LIG1: variants seen among roughly 807,000 people sequenced by gnomAD.
LIG1 encodes the protein ligase I, DNA, ATP-dependent.
In LIG1, 70 loss-of-function variants were observed where a neutral mutation model predicts 115.7. The observed-to-expected ratio is 0.60, with a 90% CI of 0.50 to 0.74. The LOEUF is 0.74. Ranked by LOEUF, LIG1 falls within the 30% of genes least tolerant of loss-of-function variation. The probability of loss-of-function intolerance (pLI) is 0.00; values close to 1 mark genes in which losing one functional copy is unlikely to be tolerated. For synonymous variants in LIG1, 487 were observed against 495.3 expected (o/e 0.98, Z 0.22); for missense variants, 1,115 against 1,225.6 (o/e 0.91, Z 1.35).
At chr19:48,154,249 A>C (rs2035694151) in intron 5 of LIG1, 11 of 411,828 alleles carry the variant, frequency 2.7e-5, no homozygotes, top group South Asian at 2.3e-4. Context: ...TGTACTTGGC[A>C]CAGTACCGAT....
At chr19:48,136,267 C>T in intron 14 of LIG1, 142 bp from the exon 15 acceptor site, 1 of 648,454 alleles carries the variant, frequency 1.5e-6, no homozygotes, top group South Asian at 1.8e-5. Context: ...GGAAGGGACC[C>T]CAGATATCAC....
chr19:48,159,562 T>C (rs2122996117), intron 4 of LIG1, among the ~76,000 whole-genome samples: 1 of 152,264 alleles, frequency 6.6e-6, no homozygotes, highest in East Asian at 1.9e-4. Flanking sequence ...CAGCTGACCT[T>C]CCGATAGTGG....
Position 48,137,458 on chromosome 19 carries a change from C to A in LIG1, c.1254+64G>T. ...ATGGTCTACCCAGAAGCCTTCCTGACACACGCGTGGCCTCAGGTCCCCAAG... is the reference window on the plus strand; with the variant it reads ...ATGGTCTACCCAGAAGCCTTCCTGAAACACGCGTGGCCTCAGGTCCCCAAG... On this transcript the variant is annotated intron_variant, in intron 13 of 27. Transcript: ENST00000263274. The surrounding 1 kb of genome is among the most constrained non-coding windows in gnomAD (Gnocchi z 4.3). The A allele has an allele frequency of 1.3e-6, 2 of 1,590,602 alleles. No homozygotes were observed. The highest frequency in any genetic ancestry group is 1.3e-5 in the African/African-American group (1 of 74,768).
chr19:48,131,475 ATTTT>A (rs752862916), intron 18 of LIG1, among the ~76,000 whole-genome samples: 3 of 151,468 alleles, frequency 2.0e-5, no homozygotes, highest in African/African-American at 4.9e-5. Context: ...TCTCATTCTG[ATTTT>A]TTTTTGAGGC....
chr19:48,141,408 A>C (rs2034743761), intron 11 of LIG1, among the ~76,000 whole-genome samples: 1 of 110,218 alleles, frequency 9.1e-6, no homozygotes. Flanking sequence ...CTGGGATTAC[A>C]GGCGTGAGCC....
chr19:48,122,202 A>G lies in LIG1; in HGVS notation c.2232+732T>C, dbSNP rs1354538239. The G allele has an allele frequency of 3.2e-5, 5 of 154,154 alleles. No homozygotes were observed. Among genetic ancestry groups the G allele is most frequent in the African/African-American group, 1.2e-4 (5 of 41,394 alleles). 9.5% of individuals were successfully genotyped at this position (154,154 alleles called of 1,614,324 possible). A position where few individuals can be genotyped will look rare whatever the true frequency, so the allele number is the denominator to read the frequency against. ...CTCAAACATCCATCAACTCTTACTG[A>G]TGACAGGCTCCTGCTCGCTGGCCCT... On this transcript the variant is annotated intron_variant, in intron 23 of 27. Transcript: ENST00000263274. This position sits in a 1 kb window ranked among gnomAD's most constrained non-coding sequence, Gnocchi z 4.3.
In LIG1 at chr19:48,131,065, C is replaced by T. The variant is rs1338310102; in HGVS notation, c.1821+11G>A. On this transcript the variant is annotated intron_variant, in intron 19 of 27. Coordinates refer to ENST00000263274, the MANE Select transcript of LIG1 (RefSeq NM_000234.3). ...ACCCTGGCAGAGTGCAAGTGTGTGG[C>T]AGACGCCCACCTTGGGGATGCGGCT... 3 of 1,611,316 alleles carry T rather than the reference C, an allele frequency of 1.9e-6. No homozygotes were observed. The highest frequency in any genetic ancestry group is 2.5e-6 in the Non-Finnish European group (3 of 1,177,410).
chr19:48,145,370 T>A (rs1322641108), intron 9 of LIG1, among the ~76,000 whole-genome samples: 1 of 152,174 alleles, frequency 6.6e-6, no homozygotes, highest in Non-Finnish European at 1.5e-5. Flanking sequence ...GTCCCTACTA[T>A]GACAGGTTGT....
At position 48,165,560 on chromosome 19, in the gene LIG1, G is replaced by T; in HGVS notation, c.7C>A (p.Arg3=). 1 of 1,613,166 alleles carries T rather than the reference G, an allele frequency of 6.2e-7. No individual in the cohort carries two copies. Among genetic ancestry groups the T allele is most frequent in the Non-Finnish European group, 8.5e-7 (1 of 1,179,186 alleles). ...AGGGAGGGTGCTCACATGATACTTCGCTGCATGTTGGCGTCAGAATTCTCC... is the reference window on the plus strand; with the variant it reads ...AGGGAGGGTGCTCACATGATACTTCTCTGCATGTTGGCGTCAGAATTCTCC... MQ[R]SIMSFFHPKK... The change falls in exon 2 of 28, where the codon CGA becomes AGA. Residue 3 remains arginine, a synonymous_variant. Transcript: ENST00000263274.
Position 48,143,541 on chromosome 19 carries a change from A to G in LIG1, c.914+2T>C. On this transcript the variant is annotated splice_donor_variant, in intron 11 of 27. Transcript: ENST00000263274. LOFTEE classifies it high-confidence loss of function. ...CCCACCCAGGCAGTCCTCATTAGTT[A>G]CCGAGCAGACACCTCCTCGATCTTC... 8.2e-7 allele frequency: 1 copy of G among 1,214,946 alleles called. No homozygotes were observed. The highest frequency in any genetic ancestry group is 1.1e-6 in the Non-Finnish European group (1 of 887,630). 75.3% of individuals were successfully genotyped at this position (1,214,946 alleles called of 1,614,324 possible). A position where few individuals can be genotyped will look rare whatever the true frequency, so the allele number is the denominator to read the frequency against.
intron 18 of LIG1, 44 bp downstream of exon 18, chr19:48,132,938 G>C: frequency 7.1e-7 from 1 of 1,415,238 alleles, no homozygotes; most frequent in East Asian, 2.3e-5. Context: ...CCTGCTCTTT[G>C]ACGTTTTCCT....
chr19:48,137,359 T>C lies in LIG1; in HGVS notation c.1254+163A>G, dbSNP rs576234274. Among the ~76,000 whole-genome samples, 9 of 152,136 alleles carry C rather than the reference T, an allele frequency of 5.9e-5. No homozygotes were observed. The highest frequency in any genetic ancestry group is 1.2e-4 in the Non-Finnish European group (8 of 68,016). ...GTCTGCTAGACTCTGAAGAGGAGAC[T>C]CCCCTAGGATTGGGTGCAGGAAGGA... On this transcript the variant is annotated intron_variant, in intron 13 of 27. Transcript: ENST00000263274. The surrounding 1 kb of genome is among the most constrained non-coding windows in gnomAD (Gnocchi z 4.3).
chr19:48,117,865 G>C, intron 25 of LIG1, 84 bp from the exon 26 acceptor site: 2 of 1,501,824 alleles, frequency 1.3e-6, no homozygotes, highest in Non-Finnish European at 1.8e-6. Context: ...GGAGAGGGAG[G>C]AAGGGAAAAA....
At chr19:48,151,366 G>C (rs768940882) in intron 6 of LIG1, 27 bp from the exon 7 acceptor site, 4 of 1,422,190 alleles carry the variant, frequency 2.8e-6, no homozygotes, top group Middle Eastern at 1.7e-4. Flanking sequence ...CGGTCAGATG[G>C]CAAAAAAATC....
chr19:48,132,330 A>G (rs1599771002), intron 18 of LIG1, among the ~76,000 whole-genome samples: 1 of 152,146 alleles, frequency 6.6e-6, no homozygotes, highest in Admixed American at 6.6e-5. Flanking sequence ...CAGGACACAC[A>G]TGCACGTCAC....
At chr19:48,144,091 C>T (rs2034960888) in intron 9 of LIG1, 128 bp from the exon 10 acceptor site, 3 of 811,314 alleles carry the variant, frequency 3.7e-6, no homozygotes, top group Non-Finnish European at 6.4e-6. Context: ...ACAAAGTTTG[C>T]TAACCTGGAG....
intron 2 of LIG1, among the ~76,000 whole-genome samples, chr19:48,163,643 A>C (rs1032556867): frequency 6.6e-6 from 1 of 152,024 alleles, no homozygotes; most frequent in Non-Finnish European, 1.5e-5. Context: ...TAAGCAAACA[A>C]CTAAATATAA....
Position 48,161,281 on chromosome 19 carries a change from G to C in LIG1, c.243+91C>G. 9 of 1,578,556 alleles carry C rather than the reference G, an allele frequency of 5.7e-6. 1 individual carries two copies. The South Asian group carries it at 1.0e-4, about 17-fold the overall frequency. On this transcript the variant is annotated intron_variant, in intron 4 of 27. Coordinates refer to ENST00000263274, the MANE Select transcript of LIG1 (RefSeq NM_000234.3). ...CTACCTCTCCCGGGCAATTTCTCCAGAATTCTCCTGAACAGCTGCTGCACT... is the reference window on the plus strand; with the variant it reads ...CTACCTCTCCCGGGCAATTTCTCCACAATTCTCCTGAACAGCTGCTGCACT...
At chr19:48,136,948 C>T (rs1030935946) in intron 14 of LIG1, 60 bp downstream of exon 14, 45 of 1,350,050 alleles carry the variant, frequency 3.3e-5, no homozygotes, top group Admixed American at 5.8e-5. Flanking sequence ...CCAGTCCCTC[C>T]CTCCTTTCAC....
Sources: allele counts gnomAD v4.1 joint callset (sites outside exome capture counted in the v4.1 genomes callset), GRCh38; gene constraint gnomAD v4.1.1; non-coding constraint Gnocchi (gnomAD v3.1); transcripts MANE v1.5; gene names NCBI Gene and HGNC (gene_info 2026-07-23, HGNC 2026-07-21).